USH2A: variants seen among roughly 807,000 people sequenced by gnomAD.
The protein encoded by USH2A is usherin.
In USH2A, 443 loss-of-function variants were observed where a neutral mutation model predicts 538.9. The ratio of observed to expected loss-of-function variants is 0.82; its 90% CI spans 0.76 to 0.89. USH2A has a LOEUF of 0.89. Ranked by LOEUF, USH2A falls within the 40% of genes least tolerant of loss-of-function variation. The pLI is 0.00. For synonymous variants in USH2A, 2,413 were observed against 2,273.5 expected, an observed-to-expected ratio of 1.06 and a Z score of -1.75; for missense variants, 6,633 against 6,324.8, an observed-to-expected ratio of 1.05 and a Z score of -1.65.
In USH2A at chr1:215,743,166, A is replaced by AAC; in HGVS notation, c.11548+10_11548+11insGT. 1 of 1,607,608 alleles carries AAC rather than the reference A, an allele frequency of 6.2e-7. No individual in the cohort carries two copies. Among genetic ancestry groups the AAC allele is most frequent in the Non-Finnish European group, 8.5e-7 (1 of 1,176,248 alleles). On this transcript the variant is annotated intron_variant, in intron 59 of 71. Transcript: ENST00000307340. ...ATAAAAGCCCAGGCCAAGTGTCTGA[A>AAC]AGACTTTCACCATTTTGACATGCTT...
At chr1:215,697,119 AT>A (rs34386908) in intron 61 of USH2A, among the ~76,000 whole-genome samples, 19 of 148,168 alleles carry the variant, frequency 1.3e-4, no homozygotes, top group East Asian at 8.0e-4. Context: ...GGCCCAGCTA[AT>A]TTTTTTTTTT....
chr1:216,050,560 T>TCTTTCTTTCTTTC (rs2030717766), intron 30 of USH2A, among the ~76,000 whole-genome samples: 1 of 35,694 alleles, frequency 2.8e-5, no homozygotes, highest in African/African-American at 7.4e-5. Flanking sequence ...ATTTGTATCT[T>TCTTTCTTTCTTTC]TTTCTTTCTT....
chr1:215,709,300 G>A (rs1659269443), intron 61 of USH2A, among the ~76,000 whole-genome samples: 2 of 152,042 alleles, frequency 1.3e-5, no homozygotes, highest in Non-Finnish European at 2.9e-5. Context: ...TTTCTATAGT[G>A]TAAATGATAC....
chr1:216,083,737 T>C (rs1398726766), intron 25 of USH2A, 151 bp from the exon 26 acceptor site: 26 of 745,730 alleles, frequency 3.5e-5, no homozygotes, highest in Non-Finnish European at 5.1e-5. Context: ...CTTTTGTAAT[T>C]GCACAGAAGT....
chr1:216,255,865 T>C (rs569393529), intron 11 of USH2A, among the ~76,000 whole-genome samples: 1 of 152,186 alleles, frequency 6.6e-6, no homozygotes, highest in Non-Finnish European at 1.5e-5. Context: ...ACTTTCTCCT[T>C]CAGTTACGTT....
intron 32 of USH2A, among the ~76,000 whole-genome samples, chr1:216,027,923 C>T (rs564479945): frequency 2.0e-5 from 3 of 152,246 alleles, no homozygotes; most frequent in South Asian, 2.1e-4. Flanking sequence ...TAGAAATTTA[C>T]GATTTGGGAG....
chr1:216,095,338 G>A (rs750046219), intron 22 of USH2A, among the ~76,000 whole-genome samples: 18 of 151,380 alleles, frequency 1.2e-4, no homozygotes, highest in Admixed American at 6.6e-5. Context: ...GAGGCTCAGT[G>A]TCTCTCCTCT....
At chr1:216,206,599 C>G (rs1366382703) in intron 16 of USH2A, among the ~76,000 whole-genome samples, 1 of 152,142 alleles carries the variant, frequency 6.6e-6, no homozygotes, top group African/African-American at 2.4e-5. Context: ...CAGACCAGTA[C>G]CTGTCCACAG....
intron 37 of USH2A, among the ~76,000 whole-genome samples, chr1:215,940,551 T>A (rs1190949173): frequency 6.6e-6 from 1 of 152,140 alleles, no homozygotes; most frequent in Non-Finnish European, 1.5e-5. Context: ...GTTTATTTTG[T>A]AATTAATATA....
At chr1:215,680,980 T>C (rs1291532096) in intron 61 of USH2A, among the ~76,000 whole-genome samples, 2 of 152,184 alleles carry the variant, frequency 1.3e-5, no homozygotes, top group Non-Finnish European at 2.9e-5. Context: ...GAGAAGTCTA[T>C]TATTAATATA....
At position 216,067,435 on chromosome 1, in the gene USH2A, G is replaced by A. The variant is rs1241136322; in HGVS notation, c.6049+2666C>T. On this transcript the variant is annotated intron_variant, in intron 30 of 71. Transcript: ENST00000307340. Reference sequence around the variant, plus strand: ...TATAATTAAAAAAAAAAGAAAGAAAGTTTTTGAGGAGAGGGACATGATGTT... The same window carrying A: ...TATAATTAAAAAAAAAAGAAAGAAAATTTTTGAGGAGAGGGACATGATGTT... Among the ~76,000 whole-genome samples the A allele has an allele frequency of 3.3e-5, 5 of 149,744 alleles. No individual in the cohort carries two copies. In the East Asian group the frequency reaches 1.0e-3, roughly 30 times the overall value.
chr1:216,123,917 C>A (rs1197601136), intron 21 of USH2A, among the ~76,000 whole-genome samples: 1 of 152,042 alleles, frequency 6.6e-6, no homozygotes, highest in Non-Finnish European at 1.5e-5. Context: ...AGAAGTCATA[C>A]AGTGACCCCA....
At chr1:216,333,864 C>A (rs188329187) in intron 4 of USH2A, among the ~76,000 whole-genome samples, 2 of 152,040 alleles carry the variant, frequency 1.3e-5, no homozygotes, top group African/African-American at 4.8e-5. Context: ...TCTAGCAAAA[C>A]TCTCCTTCAA....
At chr1:215,767,520 T>A (rs1394275668) in intron 55 of USH2A, among the ~76,000 whole-genome samples, 1 of 152,194 alleles carries the variant, frequency 6.6e-6, no homozygotes, top group Non-Finnish European at 1.5e-5. Context: ...TAAAGCTAAT[T>A]TGGAGAAGAG....
In USH2A at chr1:216,219,531, T is replaced by A. The variant is rs140420691; in HGVS notation, c.2994-1981A>T. On this transcript the variant is annotated intron_variant, in intron 14 of 71. Transcript: ENST00000307340. ...TAAGTTATCCCTCCTCAAGAGTACCTCCTAAATGAAATATATTTCACATTT... is the reference window on the plus strand; with the variant it reads ...TAAGTTATCCCTCCTCAAGAGTACCACCTAAATGAAATATATTTCACATTT... Among the ~76,000 whole-genome samples, 57 of 152,130 alleles carry A rather than the reference T, an allele frequency of 3.7e-4. No homozygotes were observed. In the East Asian group the frequency reaches 0.01, roughly 28 times the overall value.
chr1:216,362,783 A>T (rs562136372), intron 4 of USH2A, among the ~76,000 whole-genome samples: 1 of 151,696 alleles, frequency 6.6e-6, no homozygotes, highest in Non-Finnish European at 1.5e-5. Context: ...TCTCTACTAA[A>T]AATACAAAAG....
intron 61 of USH2A, among the ~76,000 whole-genome samples, chr1:215,719,949 C>T (rs1659604075): frequency 6.6e-6 from 1 of 152,124 alleles, no homozygotes; most frequent in Non-Finnish European, 1.5e-5. Flanking sequence ...CAAAAATGAT[C>T]TGGCTTGTGC....
intron 16 of USH2A, among the ~76,000 whole-genome samples, chr1:216,202,310 TGTATTA>T (rs2035017978): frequency 6.6e-6 from 1 of 152,196 alleles, no homozygotes; most frequent in Non-Finnish European, 1.5e-5. Flanking sequence ...TAGATCAGAA[TGTATTA>T]TACAAGAGCA....
chr1:216,138,918 A>ATGTGTGTG (rs534404810), intron 21 of USH2A, among the ~76,000 whole-genome samples: 8 of 148,836 alleles, frequency 5.4e-5, no homozygotes, highest in African/African-American at 1.5e-4. Flanking sequence ...GCATATATTA[A>ATGTGTGTG]TGTGTGTGTG....
Sources: allele counts gnomAD v4.1 joint callset (sites outside exome capture counted in the v4.1 genomes callset), GRCh38; gene constraint gnomAD v4.1.1; transcripts MANE v1.5; gene names NCBI Gene and HGNC (gene_info 2026-07-23, HGNC 2026-07-21).